The following TBCB variants were observed in gnomAD, a reference collection of about 807,000 sequenced individuals.
TBCB encodes the protein tubulin-folding cofactor B.
In TBCB, 18 loss-of-function variants were observed where a neutral mutation model predicts 29.2. The observed-to-expected ratio is 0.62, with a 90% CI of 0.43 to 0.91. TBCB has a LOEUF of 0.91. Among genes scored for constraint, TBCB ranks in the 40% least tolerant of loss-of-function variants. The pLI, the probability that TBCB is intolerant of heterozygous loss-of-function variation, is 0.00. For missense variants in TBCB, 336 were observed against 337.6 expected (o/e 1.00, Z 0.04); for synonymous variants, 172 against 137.8 (o/e 1.25, Z -1.74).
intron 4 of TBCB, 38 bp downstream of exon 4, chr19:36,121,756 T>TCCAAGGCC (rs776063947): frequency 9.4e-5 from 146 of 1,547,824 alleles, no homozygotes; most frequent in Non-Finnish European, 1.2e-4. Context: ...GCTCCAGGGC[T>TCCAAGGCC]CCAAGGCCGG....
intron 4 of TBCB, 108 bp downstream of exon 4, chr19:36,121,826 GT>G (rs1287398264): frequency 7.2e-7 from 1 of 1,390,246 alleles, no homozygotes; most frequent in East Asian, 2.5e-5. Flanking sequence ...GGGGCGCGGG[GT>G]TGGGGGGGAC....
chr19:36,123,254 C>CTTTT (rs201890657), intron 4 of TBCB, among the ~76,000 whole-genome samples: 20 of 131,376 alleles, frequency 1.5e-4, no homozygotes, highest in Non-Finnish European at 1.8e-4. Context: ...GAACCTTCTT[C>CTTTT]TTTTTTTTTT....
In TBCB at chr19:36,125,326, GAA is replaced by G; in HGVS notation, c.548-123_548-122del. ...CTAGTGGTAGCAATAGAGGTAGCAA[GAA>G]ATGGTTTTCACCAAGACAGGCTTCT... On this transcript the variant is annotated intron_variant, in intron 4 of 5. Coordinates refer to ENST00000221855, the MANE Select transcript of TBCB (RefSeq NM_001281.3). 3.8e-6 allele frequency: 4 copies of G among 1,053,488 alleles called. No homozygotes were observed. The East Asian group carries it at 9.5e-5, about 25-fold the overall frequency. 65.3% of individuals were successfully genotyped at this position (1,053,488 alleles called of 1,614,324 possible). A position where few individuals can be genotyped will look rare whatever the true frequency, so the allele number is the denominator to read the frequency against.
At position 36,120,801 on chromosome 19, in the gene TBCB, G is replaced by A; in HGVS notation, c.350G>A (p.Arg117Lys). The change falls in exon 3 of 6, where the codon AGG becomes AAG. Residue 117 changes from arginine (R) to lysine (K), a missense_variant. By Grantham distance (26) the Arg-to-Lys change is conservative. Transcript: ENST00000221855. ...ATCTCACAAGAAGCCTACGACCAGAGGCAAGGTACGGGCAGGTGGGCGTCG... is the reference window on the plus strand; with the variant it reads ...ATCTCACAAGAAGCCTACGACCAGAAGCAAGGTACGGGCAGGTGGGCGTCG... The part of the protein sequence containing the change: ...YTISQEAYDQ[R>K]QDTVRSFLKR... The A allele has an allele frequency of 6.2e-7, 1 of 1,613,994 alleles. No individual in the cohort carries two copies. Among genetic ancestry groups the A allele is most frequent in the East Asian group, 2.2e-5 (1 of 44,862 alleles).
At chr19:36,115,847 G>A in intron 1 of TBCB, 173 bp downstream of exon 1, 1 of 1,056,156 alleles carries the variant, frequency 9.5e-7, no homozygotes, top group Non-Finnish European at 1.4e-6. Context: ...ACTCGAGAGT[G>A]CAGAGATGAG....
chr19:36,125,403 T>C, intron 4 of TBCB, 48 bp from the exon 5 acceptor site: 1 of 1,600,850 alleles, frequency 6.2e-7, no homozygotes, highest in South Asian at 1.1e-5. Context: ...TTCATGGGGA[T>C]TTCTTCTATG....
rs1187130297 is a variant in TBCB, at chr19:36,121,649, C to T, written c.478C>T (p.Pro160Ser). The part of the protein sequence containing the change: ...AEEKAQASSI[P>S]VGSRCEVRAA... Reference sequence around the variant, plus strand: ...GGAGAAGGCCCAGGCCAGCTCCATCCCCGTGGGCAGCCGCTGTGAGGTGCG... The same window carrying T: ...GGAGAAGGCCCAGGCCAGCTCCATCTCCGTGGGCAGCCGCTGTGAGGTGCG... Residue 160 changes from proline to serine, a missense_variant, in exon 4 of 6, where the codon CCC becomes TCC. Pro to Ser is a moderately conservative substitution (Grantham distance 74). Coordinates refer to ENST00000221855, the MANE Select transcript of TBCB (RefSeq NM_001281.3). The T allele has an allele frequency of 3.2e-6, 5 of 1,560,242 alleles. No homozygotes were observed. Among genetic ancestry groups the T allele is most frequent in the African/African-American group, 2.7e-5 (2 of 73,528 alleles).
intron 4 of TBCB, among the ~76,000 whole-genome samples, chr19:36,124,346 G>A (rs1308397955): frequency 2.0e-5 from 3 of 151,778 alleles, no homozygotes; most frequent in Non-Finnish European, 2.9e-5. Flanking sequence ...TCAGCCTCCC[G>A]AGTAGCTGGG....
At chr19:36,120,995 C>G (rs546973797) in intron 3 of TBCB, among the ~76,000 whole-genome samples, 189 bp downstream of exon 3, 1 of 121,238 alleles carries the variant, frequency 8.2e-6, no homozygotes, top group East Asian at 2.6e-4. Flanking sequence ...GAATGAGGGC[C>G]GGGAGGTGTC....
Position 36,116,026 on chromosome 19 carries a change from G to T in TBCB, c.115-15G>T. On this transcript the variant is annotated splice_polypyrimidine_tract_variant and intron_variant, in intron 1 of 5. Coordinates refer to ENST00000221855, the MANE Select transcript of TBCB (RefSeq NM_001281.3). ...TCCGTGGCCTCCTTCTTCTCACCCT[G>T]CCTCCTCCTCACAGTGTAAACTGGA... 1 of 1,610,274 alleles carries T rather than the reference G, an allele frequency of 6.2e-7. No homozygotes were observed. The highest frequency in any genetic ancestry group is 8.5e-7 in the Non-Finnish European group (1 of 1,177,006).
intron 2 of TBCB, among the ~76,000 whole-genome samples, chr19:36,117,495 C>A (rs1027520173): frequency 2.0e-5 from 3 of 152,020 alleles, no homozygotes; most frequent in African/African-American, 7.3e-5. Flanking sequence ...CAGGTGTGCA[C>A]CACCACGCCT....
At chr19:36,120,626 A>T (rs1481882966) in intron 2 of TBCB, 84 bp from the exon 3 acceptor site, 5 of 1,166,344 alleles carry the variant, frequency 4.3e-6, no homozygotes, top group Non-Finnish European at 6.4e-6. Context: ...TTTTTCCCAG[A>T]TGGAGACACT....
chr19:36,121,125 G>A (rs1014694921), intron 3 of TBCB, among the ~76,000 whole-genome samples: 1 of 151,368 alleles, frequency 6.6e-6, no homozygotes, highest in Non-Finnish European at 1.5e-5. Flanking sequence ...GTCGGACGGG[G>A]TGTGGAGGGC....
chr19:36,120,193 A>G (rs917602495), intron 2 of TBCB, among the ~76,000 whole-genome samples: 5 of 152,096 alleles, frequency 3.3e-5, no homozygotes, highest in African/African-American at 1.2e-4. Flanking sequence ...CTCCCTGCAC[A>G]ATGAGCACAG....
At chr19:36,119,102 A>G (rs1974002963) in intron 2 of TBCB, among the ~76,000 whole-genome samples, 1 of 152,186 alleles carries the variant, frequency 6.6e-6, no homozygotes, top group African/African-American at 2.4e-5. Context: ...CAGGCGGTTC[A>G]GGTACACACA....
rs771277915 is a variant in TBCB at position 36,120,915 on chromosome 19, CG to C, written c.355+115del. Reference sequence around the variant, plus strand: ...CCTGCAGGGAGGCCAGTGGTGTAGACGGGGGGCCGAGAGCTTGGGAGGATAT... The same window carrying C: ...CCTGCAGGGAGGCCAGTGGTGTAGACGGGGGCCGAGAGCTTGGGAGGATAT... On this transcript the variant is annotated intron_variant, in intron 3 of 5. Coordinates refer to ENST00000221855, the MANE Select transcript of TBCB (RefSeq NM_001281.3). 9.1e-4 allele frequency: 867 copies of C among 950,752 alleles called. 2 individuals are homozygous for C. The highest frequency in any genetic ancestry group is 1.8e-3 in the South Asian group (120 of 67,380). 58.9% of individuals were successfully genotyped at this position (950,752 alleles called of 1,614,324 possible).
At position 36,125,832 on chromosome 19, in the gene TBCB, C is replaced by T. The variant is rs899400483; in HGVS notation, c.*50C>T. On this transcript the variant is annotated 3_prime_UTR_variant, in exon 6 of 6. Coordinates refer to ENST00000221855, the MANE Select transcript of TBCB (RefSeq NM_001281.3). Reference sequence around the variant, plus strand: ...GCTCCTAGCTCAGCCACTGACTGCCCCTCCTGTGTGTGCCCATGGCCCTTT... The same window carrying T: ...GCTCCTAGCTCAGCCACTGACTGCCTCTCCTGTGTGTGCCCATGGCCCTTT... 2 of 1,360,772 alleles carry T rather than the reference C, an allele frequency of 1.5e-6. No homozygotes were observed. Among genetic ancestry groups the T allele is most frequent in the Non-Finnish European group, 2.0e-6 (2 of 1,014,930 alleles). The allele number at this position is 1,360,772 out of a possible 1,614,324, so 84.3% of individuals were successfully genotyped here.
rs1974131546 is a variant in TBCB at position 36,125,885 on chromosome 19, A to G, written c.*103A>G. 2.1e-5 allele frequency: 18 copies of G among 857,564 alleles called. No homozygotes were observed. In the East Asian group the frequency reaches 5.2e-4, roughly 25 times the overall value. 53.1% of individuals were successfully genotyped at this position (857,564 alleles called of 1,614,324 possible). A position where few individuals can be genotyped will look rare whatever the true frequency, so the allele number is the denominator to read the frequency against. On this transcript the variant is annotated 3_prime_UTR_variant, in exon 6 of 6. Transcript: ENST00000221855. ...TCCTGACCCCATTTTAATTTTATTC[A>G]TTTTTTCCTTTGCCATTGATTTTTG... is the stretch of plus-strand genomic sequence containing the variant.
intron 5 of TBCB, 35 bp from the exon 6 acceptor site, chr19:36,125,633 C>T (rs762364907): frequency 6.2e-7 from 1 of 1,603,768 alleles, no homozygotes; most frequent in Non-Finnish European, 8.5e-7. Context: ...ATGTGAGGGT[C>T]CTCTGACCAC....
Sources: allele counts gnomAD v4.1 joint callset (sites outside exome capture counted in the v4.1 genomes callset), GRCh38; gene constraint gnomAD v4.1.1; transcripts MANE v1.5; gene names NCBI Gene and HGNC (gene_info 2026-07-23, HGNC 2026-07-21).